Variants in PLXNA4 observed in about 807,000 individuals in gnomAD.
PLXNA4 encodes plexin-A4.
In PLXNA4, 44 loss-of-function variants were observed where a neutral mutation model predicts 191.8. That is an observed-to-expected ratio of 0.23 (90% CI 0.18 to 0.29). The LOEUF (loss-of-function observed/expected upper bound fraction) is 0.29, where lower values mean the gene tolerates loss of function less well. PLXNA4 is among the 10% of genes least tolerant of loss of function. PLXNA4 has a pLI of 1.00. For missense variants in PLXNA4, 1,800 were observed against 2,488.8 expected (o/e 0.72, Z 5.89); for synonymous variants, 1,082 against 1,009.5 (o/e 1.07, Z -1.36).
rs140334431 is a variant in PLXNA4, at chr7:132,369,840, G to A, written c.1372-71618C>T. ...TCCCAGCACTTTGGGAGGCTGAGGC[G>A]GGCGGATCACAAGGTCAGGAGATTG... On this transcript the variant is annotated intron_variant, in intron 3 of 31. Coordinates refer to ENST00000321063, the MANE Select transcript of PLXNA4 (RefSeq NM_020911.2). Among the ~76,000 whole-genome samples the A allele has an allele frequency of 6.2e-3, 935 of 151,580 alleles. 5 individuals are homozygous for A. The highest frequency in any genetic ancestry group is 0.021 in the African/African-American group (867 of 41,336).
intron 3 of PLXNA4, among the ~76,000 whole-genome samples, chr7:132,459,207 T>C (rs1033908506): frequency 6.6e-6 from 1 of 152,168 alleles, no homozygotes; most frequent in African/African-American, 2.4e-5. Flanking sequence ...GAGGATCAAT[T>C]CCCCTGAGCA....
intron 3 of PLXNA4, among the ~76,000 whole-genome samples, chr7:132,381,090 A>C (rs1162426143): frequency 6.6e-6 from 1 of 152,266 alleles, no homozygotes; most frequent in Non-Finnish European, 1.5e-5. Context: ...ATACAAGATT[A>C]TGGAGTATCT....
At chr7:132,190,688 CAG>C (rs1406797656) in intron 14 of PLXNA4, among the ~76,000 whole-genome samples, 1 of 152,190 alleles carries the variant, frequency 6.6e-6, no homozygotes, top group African/African-American at 2.4e-5. Flanking sequence ...GCTGCAAATG[CAG>C]AGCAGAGGCA....
intron 3 of PLXNA4, among the ~76,000 whole-genome samples, chr7:132,360,611 G>A (rs1011092110): frequency 2.0e-5 from 3 of 152,090 alleles, no homozygotes; most frequent in African/African-American, 4.8e-5. Flanking sequence ...ATGATGTTTC[G>A]ACAACAACAA....
chr7:132,566,801 T>G (rs78340626), intron 1 of PLXNA4, among the ~76,000 whole-genome samples: 4,938 of 152,308 alleles, frequency 0.032, 243 homozygotes, highest in African/African-American at 0.1. Context: ...ACAAGGCCAC[T>G]GTCGCTAAAG....
At chr7:132,359,483 C>T (rs941751750) in intron 3 of PLXNA4, among the ~76,000 whole-genome samples, 4 of 152,094 alleles carry the variant, frequency 2.6e-5, no homozygotes, top group African/African-American at 4.8e-5. Context: ...TCCCAAAGTG[C>T]TGGGATTACA....
At chr7:132,256,154 T>C (rs1463924330) in intron 4 of PLXNA4, among the ~76,000 whole-genome samples, 1 of 152,150 alleles carries the variant, frequency 6.6e-6, no homozygotes, top group Non-Finnish European at 1.5e-5. Context: ...ATGGTGGTAT[T>C]TGGCACAGAA....
At chr7:132,599,400 T>C (rs897626678) in intron 2 of PLXNA4, among the ~76,000 whole-genome samples, 1 of 152,274 alleles carries the variant, frequency 6.6e-6, no homozygotes, top group African/African-American at 2.4e-5. Flanking sequence ...GATCAACTTC[T>C]ATGTACTTTA....
chr7:132,513,480 C>A (rs1798814360), intron 1 of PLXNA4, among the ~76,000 whole-genome samples: 2 of 152,306 alleles, frequency 1.3e-5, no homozygotes, highest in South Asian at 2.1e-4. Context: ...GAGCTGAGCT[C>A]TTCAGGCCTC....
chr7:132,259,436 C>CAAAAAAAAAAAAAAAAAAAAAAAAA lies in PLXNA4; in HGVS notation c.1504-18295_1504-18271dup, dbSNP rs55902635. Reference sequence around the variant, plus strand: ...GGGCAACAAGAGCAAAACTCCAACTCAAAAAAAAAAAAAAAAAAAAAAAAA... The same window carrying CAAAAAAAAAAAAAAAAAAAAAAAAA: ...GGGCAACAAGAGCAAAACTCCAACTCAAAAAAAAAAAAAAAAAAAAAAAAAAAAAAAAAAAAAAAAAAAAAAAAAA... On this transcript the variant is annotated intron_variant, in intron 4 of 31. Coordinates refer to ENST00000321063, the MANE Select transcript of PLXNA4 (RefSeq NM_020911.2). Among the ~76,000 whole-genome samples, 19 of 33,868 alleles carry CAAAAAAAAAAAAAAAAAAAAAAAAA rather than the reference C, an allele frequency of 5.6e-4. 1 individual carries two copies. Among genetic ancestry groups the CAAAAAAAAAAAAAAAAAAAAAAAAA allele is most frequent in the South Asian group, 2.6e-3 (1 of 384 alleles). 22.2% of individuals were successfully genotyped at this position (33,868 alleles called of 152,430 possible).
At chr7:132,135,540 G>T (rs1471707524) in intron 30 of PLXNA4, among the ~76,000 whole-genome samples, 1 of 152,220 alleles carries the variant, frequency 6.6e-6, no homozygotes, top group African/African-American at 2.4e-5. Context: ...CACTGTGTCT[G>T]CAGTGAAGAG....
intron 1 of PLXNA4, among the ~76,000 whole-genome samples, chr7:132,555,372 A>T (rs955916105): frequency 6.6e-6 from 1 of 152,224 alleles, no homozygotes; most frequent in African/African-American, 2.4e-5. Flanking sequence ...TCAAGGCAGT[A>T]GACTTGTTGA....
At chr7:132,137,573 T>G (rs929779068) in intron 30 of PLXNA4, among the ~76,000 whole-genome samples, 21 of 152,250 alleles carry the variant, frequency 1.4e-4, no homozygotes, top group Admixed American at 1.1e-3. Context: ...TCTTCTCCCT[T>G]TTTCCAGATT....
chr7:132,395,536 G>A (rs995587504), intron 3 of PLXNA4, among the ~76,000 whole-genome samples: 1 of 152,210 alleles, frequency 6.6e-6, no homozygotes, highest in Non-Finnish European at 1.5e-5. Flanking sequence ...TGGCACGTGC[G>A]TCCCACCTGT....
At chr7:132,215,474 C>T (rs1797934766) in intron 9 of PLXNA4, among the ~76,000 whole-genome samples, 1 of 152,172 alleles carries the variant, frequency 6.6e-6, no homozygotes, top group Non-Finnish European at 1.5e-5. Flanking sequence ...CTTCTAAAAC[C>T]TTTGGAGTTT....
chr7:132,211,492 G>C (rs1376812020), intron 9 of PLXNA4, among the ~76,000 whole-genome samples: 1 of 152,194 alleles, frequency 6.6e-6, no homozygotes, highest in Non-Finnish European at 1.5e-5. Context: ...TCCCACTGGG[G>C]ACTGATGATT....
At chr7:132,306,945 C>T (rs985695731) in intron 3 of PLXNA4, among the ~76,000 whole-genome samples, 2 of 152,144 alleles carry the variant, frequency 1.3e-5, no homozygotes, top group African/African-American at 4.8e-5. Context: ...GATGCGAATA[C>T]GGGCATGAGG....
At chr7:132,496,564 G>T (rs1430221147) in intron 2 of PLXNA4, among the ~76,000 whole-genome samples, 2 of 152,130 alleles carry the variant, frequency 1.3e-5, no homozygotes, top group Non-Finnish European at 2.9e-5. Context: ...ACTACACCCA[G>T]CTAATTTTTT....
chr7:132,388,067 T>C (rs1805233989), intron 3 of PLXNA4, among the ~76,000 whole-genome samples: 1 of 152,076 alleles, frequency 6.6e-6, no homozygotes, highest in Admixed American at 6.5e-5. Context: ...ACATTCAACC[T>C]GCACACAAGT....
Sources: allele counts gnomAD v4.1 joint callset (sites outside exome capture counted in the v4.1 genomes callset), GRCh38; gene constraint gnomAD v4.1.1; transcripts MANE v1.5; gene names NCBI Gene and HGNC (gene_info 2026-07-23, HGNC 2026-07-21).